The following CD300LG variants were observed in gnomAD, a reference collection of about 807,000 sequenced individuals.
CD300LG encodes the protein CD300 molecule like family member g, also known as CMRF35-like molecule 9.
In CD300LG, 29 loss-of-function variants were observed where a neutral mutation model predicts 31.5. The observed-to-expected ratio is 0.92, with a 90% confidence interval of 0.68 to 1.25. The LOEUF (loss-of-function observed/expected upper bound fraction) is 1.25, where lower values mean the gene tolerates loss of function less well. CD300LG is among the 50% of genes most tolerant of loss of function. The pLI is 0.00. For synonymous variants in CD300LG, 175 were observed against 177.2 expected, an observed-to-expected ratio of 0.99 and a Z score of 0.10; for missense variants, 396 against 417.6, an observed-to-expected ratio of 0.95 and a Z score of 0.45.
chr17:43,851,317 T>C (rs1187970941), intron 2 of CD300LG, among the ~76,000 whole-genome samples: 1 of 152,212 alleles, frequency 6.6e-6, no homozygotes, highest in Non-Finnish European at 1.5e-5. Context: ...CGAAACTTTT[T>C]GTGTGCCAGC....
At position 43,860,071 on chromosome 17, in the gene CD300LG, C is replaced by T. The variant is rs182672749; in HGVS notation, c.886-1727C>T. 2.3e-3 allele frequency among the ~76,000 whole-genome samples: 346 copies of T among 152,276 alleles called. 2 individuals carry two copies. The highest frequency in any genetic ancestry group is 6.7e-3 in the African/African-American group (278 of 41,554). On this transcript the variant is annotated intron_variant, in intron 6 of 6. Coordinates refer to ENST00000317310, the MANE Select transcript of CD300LG (RefSeq NM_145273.4). ...CATTTCTAACAAGATTTGGCTCAAA[C>T]ATCTGCCTCTGCCCCCATCCACAGC...
In CD300LG at chr17:43,853,969, G is replaced by GC. The variant is rs760923345; in HGVS notation, c.651dup (p.Met218HisfsTer21). 102 of 1,613,784 alleles carry GC rather than the reference G, an allele frequency of 6.3e-5. No homozygotes were observed. Among genetic ancestry groups the GC allele is most frequent in the Middle Eastern group, 1.7e-4 (1 of 6,060 alleles). ...ACCTCTCCTCCTGCAGGGAGCTCCC[G>GC]CCCCCCCATGCAGCTGGACTCCACC... On this transcript the variant is annotated frameshift_variant, in exon 4 of 7. Coordinates refer to ENST00000317310, the MANE Select transcript of CD300LG (RefSeq NM_145273.4). LOFTEE classifies it high-confidence loss of function.
chr17:43,861,133 G>C lies in CD300LG; in HGVS notation c.886-665G>C, dbSNP rs113596324. 2,233 of 985,348 alleles carry C rather than the reference G, an allele frequency of 2.3e-3. 30 individuals are homozygous for C. In the African/African-American group the frequency reaches 0.034, roughly 15 times the overall value. The allele number at this position is 985,348 out of a possible 1,614,324, so 61.0% of individuals were successfully genotyped here. Reference sequence around the variant, plus strand: ...CTGTTCTGACCAAGTCTCTGTTACAGCCACTGGGGAATGGCCGGGACCCAG... The same window carrying C: ...CTGTTCTGACCAAGTCTCTGTTACACCCACTGGGGAATGGCCGGGACCCAG... On this transcript the variant is annotated intron_variant, in intron 6 of 6. Coordinates refer to ENST00000317310, the MANE Select transcript of CD300LG (RefSeq NM_145273.4).
At chr17:43,855,143 C>G (rs2046477155) in intron 4 of CD300LG, 64 bp from the exon 5 acceptor site, 1 of 1,132,148 alleles carries the variant, frequency 8.8e-7, no homozygotes, top group African/African-American at 1.6e-5. Context: ...CCTGGGACCC[C>G]CAAAGGACAT....
intron 5 of CD300LG, among the ~76,000 whole-genome samples, chr17:43,856,775 C>T (rs1352214420): frequency 6.6e-6 from 1 of 152,224 alleles, no homozygotes; most frequent in Non-Finnish European, 1.5e-5. Context: ...CCCCAGCCTA[C>T]TGAATTAGAC....
intron 6 of CD300LG, chr17:43,858,798 T>C: frequency 1.3e-6 from 1 of 795,896 alleles, no homozygotes; most frequent in Non-Finnish European, 1.5e-6. Flanking sequence ...TACTTATACT[T>C]TGAGAGGCCT....
Position 43,861,914 on chromosome 17 carries a change from C to T in CD300LG, c.*3C>T, listed in dbSNP as rs1247907620. The T allele has an allele frequency of 1.9e-6, 3 of 1,600,538 alleles. No individual in the cohort carries two copies. The highest frequency in any genetic ancestry group is 3.4e-5 in the Admixed American group (2 of 58,318). ...TCTCGAAGTTTGTCTCAGCGTAGGG[C>T]AGGAGGCCCTCCTGGCCAGGCCAGC... On this transcript the variant is annotated 3_prime_UTR_variant, in exon 7 of 7. Coordinates refer to ENST00000317310, the MANE Select transcript of CD300LG (RefSeq NM_145273.4).
At chr17:43,851,565 G>A (rs2046355833) in intron 2 of CD300LG, among the ~76,000 whole-genome samples, 1 of 151,994 alleles carries the variant, frequency 6.6e-6, no homozygotes, top group Non-Finnish European at 1.5e-5. Context: ...ACTTGGGGAA[G>A]TGGGGACCGG....
At chr17:43,849,172 C>G (rs1249815205) in intron 2 of CD300LG, 2 of 546,874 alleles carry the variant, frequency 3.7e-6, no homozygotes, top group African/African-American at 3.8e-5. Context: ...CCTTTCTGCC[C>G]AGGTGTGCTG....
intron 1 of CD300LG, 28 bp downstream of exon 1, chr17:43,847,287 G>C (rs201378791): frequency 3.1e-6 from 5 of 1,598,380 alleles, no homozygotes; most frequent in Non-Finnish European, 4.3e-6. Context: ...TCTCGGGAGG[G>C]ATGTGGGGCT....
In CD300LG at chr17:43,852,844, G is replaced by C. The variant is rs901511407; in HGVS notation, c.380-68G>C. ...GTGGGGGGTAGGAAAACTGCCAGCT[G>C]CTCCCAAGGAAGGAAAAGGGGTTCA... On this transcript the variant is annotated intron_variant, in intron 2 of 6. Transcript: ENST00000317310. 4.7e-5 allele frequency: 61 copies of C among 1,300,538 alleles called. 1 individual carries two copies. The highest frequency in any genetic ancestry group is 6.5e-5 in the Non-Finnish European group (60 of 927,612). 80.6% of individuals were successfully genotyped at this position (1,300,538 alleles called of 1,614,324 possible).
At chr17:43,858,704 G>C in intron 6 of CD300LG, 1 of 985,418 alleles carries the variant, frequency 1.0e-6, no homozygotes, top group South Asian at 4.7e-5. Context: ...TTCTCCATAG[G>C]ATTTAGCAGA....
At position 43,858,423 on chromosome 17, in the gene CD300LG, G is replaced by A. The variant is rs111643713; in HGVS notation, c.885+1267G>A. ...GGGGTCCAAGGAGGCTGAGAGCGCC[G>A]GAACCAGCCACAGCTCCCATGCTAC... On this transcript the variant is annotated intron_variant, in intron 6 of 6. Transcript: ENST00000317310. 2.5e-3 allele frequency: 2,508 copies of A among 985,450 alleles called. 33 individuals carry two copies. In the African/African-American group the frequency reaches 0.035, roughly 14 times the overall value. The allele number at this position is 985,450 out of a possible 1,614,324, so 61.0% of individuals were successfully genotyped here. A position where few individuals can be genotyped will look rare whatever the true frequency, so the allele number is the denominator to read the frequency against.
chr17:43,848,798 G>A lies in CD300LG; in HGVS notation c.284G>A (p.Trp95Ter). The A allele has an allele frequency of 6.2e-7, 1 of 1,614,170 alleles. No individual in the cohort carries two copies. Among genetic ancestry groups the A allele is most frequent in the South Asian group, 1.1e-5 (1 of 91,070 alleles). ...GAGCTCTCGCTCATTGTGACCCTGT[G>A]GAACCTCACCCTGCAAGACGCTGGG... ...RQELSLIVTL[W>*]NLTLQDAGEY... Residue 95 changes from tryptophan to a stop codon, truncating the protein, a stop_gained, in exon 2 of 7, where the codon TGG becomes TAG. Coordinates refer to ENST00000317310, the MANE Select transcript of CD300LG (RefSeq NM_145273.4). LOFTEE classifies it high-confidence loss of function.
intron 6 of CD300LG, chr17:43,857,759 G>A: frequency 6.5e-7 from 1 of 1,536,202 alleles, no homozygotes; most frequent in Non-Finnish European, 8.7e-7. Context: ...ACAGGACCCA[G>A]ATTTCTTGAC....
chr17:43,857,199 G>T (rs779873660), intron 6 of CD300LG, 43 bp downstream of exon 6: 1 of 1,607,720 alleles, frequency 6.2e-7, no homozygotes, highest in South Asian at 1.1e-5. Context: ...AGATCCCCTT[G>T]GGGCTGGAAG....
rs1471287281 is a variant in CD300LG, at chr17:43,848,858, A to G, written c.344A>G (p.Asp115Gly). ...YWCGVEKRGP[D>G]ESLLISLFVF... The stretch of plus-strand genomic sequence containing the variant: ...TGTGGGGTCGAAAAACGGGGCCCCG[A>G]TGAGTCTTTACTGATCTCTCTGTTC... Residue 115 changes from aspartate (D) to glycine (G), a missense_variant, in exon 2 of 7, where the codon GAT becomes GGT. Asp to Gly is a moderately conservative substitution (Grantham distance 94, BLOSUM62 -1). Transcript: ENST00000317310. 3 of 1,613,742 alleles carry G rather than the reference A, an allele frequency of 1.9e-6. No homozygotes were observed. The highest frequency in any genetic ancestry group is 3.3e-5 in the Admixed American group (2 of 60,008).
At chr17:43,860,512 G>T (rs1300189311) in intron 6 of CD300LG, among the ~76,000 whole-genome samples, 2 of 152,216 alleles carry the variant, frequency 1.3e-5, no homozygotes, top group African/African-American at 4.8e-5. Context: ...ACCTGCTAGG[G>T]CAAGGCCTGA....
chr17:43,858,779 G>C, intron 6 of CD300LG: 1 of 891,932 alleles, frequency 1.1e-6, no homozygotes. Context: ...AAGAGGGAGG[G>C]GGATGCATTA....
Sources: gnomAD v4.1 joint callset for allele counts (sites outside exome capture counted in the v4.1 genomes callset) on GRCh38, gnomAD v4.1.1 for gene constraint, MANE v1.5 for transcripts, NCBI Gene and HGNC (gene_info 2026-07-23, HGNC 2026-07-21) for gene names.